Variants in GPRC5D observed in about 807,000 individuals in gnomAD.
The protein encoded by GPRC5D is G protein-coupled receptor family C group 5 member D.
A neutral mutation model predicts 29.3 loss-of-function variants in GPRC5D; 20 were observed. The ratio of observed to expected loss-of-function variants is 0.68; its 90% CI spans 0.48 to 0.99. The LOEUF (loss-of-function observed/expected upper bound fraction) is 0.99. GPRC5D is among the 50% of genes least tolerant of loss of function. The probability of loss-of-function intolerance (pLI) is 0.00; values close to 1 mark genes in which losing one functional copy is unlikely to be tolerated. For missense variants in GPRC5D, 384 were observed against 423.6 expected, an observed-to-expected ratio of 0.91 and a Z score of 0.82; for synonymous variants, 178 against 171.3, an observed-to-expected ratio of 1.04 and a Z score of -0.30.
At chr12:12,950,327 C>G in exon 1 of GPRC5D, 1 of 1,612,602 alleles carries the variant, frequency 6.2e-7, no homozygotes. Context: ...CCCCATGGCC[C>G]CTCGGCGTCA....
chr12:12,950,287 C>T, exon 1 of GPRC5D: 1 of 1,613,518 alleles, frequency 6.2e-7, no homozygotes, highest in Non-Finnish European at 8.5e-7. Context: ...GACCACGATG[C>T]CAAGTATGGC....
At chr12:12,951,167 C>T (rs1257372265), upstream of GPRC5D, among the ~76,000 whole-genome samples, 1 of 152,080 alleles carries the variant, frequency 6.6e-6, no homozygotes, top group African/African-American at 2.4e-5. Context: ...TCAAGAACCG[C>T]AACTGCTTTC....
chr12:12,944,850 C>CTTCCTTCCTTCT (rs1565477444), intron 1 of GPRC5D, among the ~76,000 whole-genome samples: 15 of 34,446 alleles, frequency 4.4e-4, no homozygotes, highest in Admixed American at 7.7e-4. Context: ...TCCTTCCTTC[C>CTTCCTTCCTTCT]TTCTTTCTTT....
chr12:12,940,893 AGAAAT>A (rs1336547968), intron 2 of GPRC5D, 44 bp from the exon 4 acceptor site: 1 of 1,231,758 alleles, frequency 8.1e-7, no homozygotes, highest in Non-Finnish European at 1.2e-6. Flanking sequence ...GAGCAACAAA[AGAAAT>A]GATATTCTCC....
At chr12:12,946,290 T>G (rs1863318219) in intron 1 of GPRC5D, among the ~76,000 whole-genome samples, 1 of 94,782 alleles carries the variant, frequency 1.1e-5, no homozygotes, top group African/African-American at 4.1e-5. Flanking sequence ...CTTCCTTCCT[T>G]TCTTCCTTCC....
At chr12:12,950,329 T>A (rs1271361986) in exon 1 of GPRC5D, 5 of 1,612,590 alleles carry the variant, frequency 3.1e-6, no homozygotes, top group Non-Finnish European at 4.2e-6. Context: ...CCATGGCCCC[T>A]CGGCGTCACA....
chr12:12,949,457 C>T lies in GPRC5D; in HGVS notation c.895+33G>A, dbSNP rs200093176. The T allele has an allele frequency of 1.5e-4, 239 of 1,547,662 alleles. 1 individual carries two copies. Among genetic ancestry groups the T allele is most frequent in the Admixed American group, 2.3e-4 (12 of 53,298 alleles). On this transcript the variant is annotated intron_variant, in intron 1 of 2. Transcript: ENST00000228887. ...TTCTCCTGCTTCTCCTGTAGGAGCA[C>T]CTCCCTGCTCCCTGAATCCCCCAGG...
chr12:12,943,139 T>G (rs962763158), intron 1 of GPRC5D, among the ~76,000 whole-genome samples: 7 of 152,192 alleles, frequency 4.6e-5, no homozygotes, highest in Non-Finnish European at 1.0e-4. Flanking sequence ...AGAGATCACT[T>G]GAGACGATTC....
At position 12,940,860 on chromosome 12, in the gene GPRC5D, A is replaced by G. The variant is rs764069971; in HGVS notation, c.964-11T>C. 1 of 1,548,794 alleles carries G rather than the reference A, an allele frequency of 6.5e-7. No individual in the cohort carries two copies. The highest frequency in any genetic ancestry group is 1.1e-5 in the South Asian group (1 of 89,762). ...TGTGGGATCAACAGTCTGGAAAGGAAGAAATGCCATCATCAACTTTCTGAG... is the reference window on the plus strand; with the variant it reads ...TGTGGGATCAACAGTCTGGAAAGGAGGAAATGCCATCATCAACTTTCTGAG... On this transcript the variant is annotated splice_polypyrimidine_tract_variant and intron_variant, in intron 2 of 2. Transcript: ENST00000228887.
At chr12:12,944,774 T>C (rs1863234343) in intron 1 of GPRC5D, among the ~76,000 whole-genome samples, 1 of 32,734 alleles carries the variant, frequency 3.1e-5, no homozygotes, top group African/African-American at 5.4e-5. Context: ...CCTTCCTTTC[T>C]TCCTTCCTTC....
At chr12:12,950,385 G>C (rs1341623255), upstream of GPRC5D, 1 of 1,593,406 alleles carries the variant, frequency 6.3e-7, no homozygotes, top group Non-Finnish European at 8.5e-7. Context: ...CCTTGTACAT[G>C]GTGACTTATG....
At position 12,940,778 on chromosome 12, in the gene GPRC5D, T is replaced by C. The variant is rs1488802185; in HGVS notation, c.1035A>G (p.Val345=). 4.4e-6 allele frequency: 7 copies of C among 1,588,500 alleles called. No individual in the cohort carries two copies. The African/African-American group carries it at 5.4e-5, about 12-fold the overall frequency. ...TCCACTTGTGTTTCCTGTAGATTTA[T>C]ACTCCTCCTGCATCTTGCTGGGGGC... The change falls in exon 3 of 3, where the codon GTA becomes GTG. Residue 345 remains valine (V), a synonymous_variant. Coordinates refer to ENST00000228887, the Ensembl canonical transcript of GPRC5D.
chr12:12,949,899 T>C, exon 1 of GPRC5D: 1 of 1,614,028 alleles, frequency 6.2e-7, no homozygotes, highest in Non-Finnish European at 8.5e-7. Flanking sequence ...GCTGGCAGGG[T>C]GTCATATTCA....
At chr12:12,942,492 T>C (rs1863178925) in intron 1 of GPRC5D, among the ~76,000 whole-genome samples, 164 bp from the exon 3 acceptor site, 1 of 152,178 alleles carries the variant, frequency 6.6e-6, no homozygotes, top group Non-Finnish European at 1.5e-5. Context: ...CCCAGCACTT[T>C]GGGAGGCCAA....
rs1269949650 is a variant in GPRC5D at position 12,942,335 on chromosome 12, GC to G, written c.896-8del. ...GCTCCATCACTGTCTCGGGCTGAAA[GC>G]CAAAGGAGGGAAGGGCTGGGTTAGT... On this transcript the variant is annotated splice_polypyrimidine_tract_variant and splice_region_variant and intron_variant, in intron 1 of 2. Transcript: ENST00000228887. 1 of 1,603,796 alleles carries G rather than the reference GC, an allele frequency of 6.2e-7. No homozygotes were observed. The highest frequency in any genetic ancestry group is 8.5e-7 in the Non-Finnish European group (1 of 1,170,600).
rs1863247959 is a variant in GPRC5D at position 12,944,829 on chromosome 12, CCTTCCTTCCTTCCTTCCTTCCT to C, written c.896-2523_896-2502del. ...TCCTTCCTTCCTTCCTTCCTTCCTT[CCTTCCTTCCTTCCTTCCTTCCT>C]TCTTTCTTTCTTTCTTTCTTTCTTT... On this transcript the variant is annotated intron_variant, in intron 1 of 2. Coordinates refer to ENST00000228887, the Ensembl canonical transcript of GPRC5D. Among the ~76,000 whole-genome samples the C allele has an allele frequency of 2.1e-4, 2 of 9,622 alleles. 1 individual carries two copies. The highest frequency in any genetic ancestry group is 3.2e-4 in the African/African-American group (2 of 6,212). The allele number at this position is 9,622 out of a possible 152,430, so 6.3% of individuals were successfully genotyped here. A position where few individuals can be genotyped will look rare whatever the true frequency, so the allele number is the denominator to read the frequency against.
downstream of GPRC5D, chr12:12,940,736 C>T (rs74528839): frequency 0.011 from 13,741 of 1,221,676 alleles, 272 homozygotes; most frequent in African/African-American, 0.064. Context: ...CTACCCAGGA[C>T]GGTCTGCTGG....
intron 1 of GPRC5D, among the ~76,000 whole-genome samples, chr12:12,945,834 A>G (rs1257479737): frequency 2.0e-5 from 3 of 152,212 alleles, no homozygotes; most frequent in African/African-American, 7.2e-5. Context: ...GGATGTATCT[A>G]TATTTTTGGC....
At chr12:12,949,936 A>C in exon 1 of GPRC5D, 1 of 1,613,250 alleles carries the variant, frequency 6.2e-7, no homozygotes, top group South Asian at 1.1e-5. Flanking sequence ...GGTCATGATG[A>C]GAGTCACATA....
Sources: gnomAD v4.1 joint callset for allele counts (sites outside exome capture counted in the v4.1 genomes callset) on GRCh38, gnomAD v4.1.1 for gene constraint, MANE v1.5 for transcripts, NCBI Gene and HGNC (gene_info 2026-07-23, HGNC 2026-07-21) for gene names.